Variants in VWA2 observed in about 807,000 individuals in gnomAD.
VWA2 encodes the protein von Willebrand factor A domain-containing protein 2.
A neutral mutation model predicts 70.4 loss-of-function variants in VWA2; 73 were observed. The observed-to-expected ratio is 1.04, with a 90% confidence interval of 0.86 to 1.26. The LOEUF is 1.26. Among genes scored for constraint, VWA2 ranks in the 50% most tolerant of loss-of-function variants. VWA2 has a pLI of 0.00. For missense variants in VWA2, 1,011 were observed against 998.5 expected, an observed-to-expected ratio of 1.01 and a Z score of -0.17; for synonymous variants, 407 against 423.3, an observed-to-expected ratio of 0.96 and a Z score of 0.47.
intron 1 of VWA2, among the ~76,000 whole-genome samples, chr10:114,248,368 C>G (rs2037119338): frequency 6.6e-6 from 1 of 152,188 alleles, no homozygotes; most frequent in South Asian, 2.1e-4. Context: ...CGTGGCTAGT[C>G]AGGGCCCAGG....
intron 8 of VWA2, chr10:114,281,293 T>A (rs920157483): frequency 6.6e-6 from 1 of 152,204 alleles, no homozygotes; most frequent in African/African-American, 2.4e-5. Flanking sequence ...TGCCCCCAGA[T>A]GAGGAACCGC....
intron 1 of VWA2, among the ~76,000 whole-genome samples, chr10:114,240,463 G>C (rs1277032782): frequency 6.6e-6 from 1 of 152,158 alleles, no homozygotes. Context: ...CTTAGCAATG[G>C]GGACCTCATG....
chr10:114,292,949 C>G lies in VWA2; in HGVS notation c.*1712C>G, dbSNP rs919921605. ...CTCGAACTTCTGACCTCAGGTGATC[C>G]CCCTGCCTTGGCCTCCCAAAGTTCT... is the stretch of plus-strand genomic sequence containing the variant. On this transcript the variant is annotated 3_prime_UTR_variant, in exon 14 of 14. Transcript: ENST00000392982. Among the ~76,000 whole-genome samples, 1 of 152,174 alleles carries G rather than the reference C, an allele frequency of 6.6e-6. No individual in the cohort carries two copies. The highest frequency in any genetic ancestry group is 2.4e-5 in the African/African-American group (1 of 41,448).
At chr10:114,250,138 A>G (rs906787302) in intron 2 of VWA2, among the ~76,000 whole-genome samples, 4 of 152,154 alleles carry the variant, frequency 2.6e-5, no homozygotes, top group Non-Finnish European at 5.9e-5. Context: ...GCTCTGTAGC[A>G]CTTAACACAG....
chr10:114,253,539 C>T, intron 2 of VWA2, 112 bp from the exon 3 acceptor site: 1 of 885,674 alleles, frequency 1.1e-6, no homozygotes. Flanking sequence ...ATCACTCCCC[C>T]ACATTCTAGG....
In VWA2 at chr10:114,248,738, G is replaced by A. The variant is rs9664945; in HGVS notation, c.25G>A (p.Ala9Thr). 0.23 allele frequency: 363,983 copies of A among 1,609,316 alleles called. 43,354 individuals are homozygous for A. Among genetic ancestry groups the A allele is most frequent in the African/African-American group, 0.32 (23,927 of 74,774 alleles). MPPFLLLEAVCVFLFSRVP... is the reference protein window; with the variant it reads MPPFLLLETVCVFLFSRVP... The stretch of plus-strand genomic sequence containing the variant: ...CATGCCCCCTTTCCTGTTGCTGGAA[G>A]CCGTCTGTGTTTTCCTGTTTTCCAG... Residue 9 changes from alanine (A) to threonine (T), a missense_variant, in exon 2 of 14, where the codon GCC (alanine) becomes ACC (threonine). Physicochemically the swap from Ala to Thr is moderately conservative, Grantham distance 58 (BLOSUM62 0). Coordinates refer to ENST00000392982, the MANE Select transcript of VWA2 (RefSeq NM_001272046.2).
At chr10:114,278,490 G>A (rs889256667) in intron 7 of VWA2, among the ~76,000 whole-genome samples, 1 of 152,224 alleles carries the variant, frequency 6.6e-6, no homozygotes, top group Non-Finnish European at 1.5e-5. Flanking sequence ...AAAGCTGTGT[G>A]GGGTGGGGCC....
At chr10:114,286,975 C>G (rs2038979203) in intron 11 of VWA2, among the ~76,000 whole-genome samples, 3 of 152,194 alleles carry the variant, frequency 2.0e-5, no homozygotes, top group Admixed American at 2.0e-4. Flanking sequence ...TGCACACGCG[C>G]TGGTGCAGCC....
Position 114,290,260 on chromosome 10 carries a change from C to A in VWA2, c.2143C>A (p.Leu715Ile). Residue 715 changes from leucine to isoleucine, a missense_variant, in exon 13 of 14, where the codon CTC becomes ATC. Physicochemically the swap from Leu to Ile is conservative, Grantham distance 5 (BLOSUM62 2). Transcript: ENST00000392982. ...TGTAGAAGCCAAGCAGCCAGTCAAC[C>A]TCTGCAAACCCAGCCCGTGCATGAA... ...LCGEAKQPVNLCKPSPCMNEG... is the reference protein window; with the variant it reads ...LCGEAKQPVNICKPSPCMNEG... 1 of 1,550,574 alleles carries A rather than the reference C, an allele frequency of 6.4e-7. No homozygotes were observed. Among genetic ancestry groups the A allele is most frequent in the South Asian group, 1.2e-5 (1 of 84,062 alleles).
At chr10:114,260,775 G>A (rs1479934139) in intron 4 of VWA2, among the ~76,000 whole-genome samples, 2 of 152,196 alleles carry the variant, frequency 1.3e-5, no homozygotes, top group Non-Finnish European at 2.9e-5. Context: ...CAACCATAAT[G>A]TGGGTGTTAA....
chr10:114,266,907 C>A (rs746972561), intron 5 of VWA2, among the ~76,000 whole-genome samples: 49 of 151,956 alleles, frequency 3.2e-4, no homozygotes, highest in Admixed American at 9.2e-4. Context: ...TTTTTTTCCC[C>A]CTTAATATTA....
At chr10:114,288,678 C>T (rs568328893) in intron 11 of VWA2, among the ~76,000 whole-genome samples, 2 of 152,340 alleles carry the variant, frequency 1.3e-5, no homozygotes, top group South Asian at 4.1e-4. Flanking sequence ...TTGATCACGT[C>T]CGTCAGATAG....
chr10:114,248,831 A>G lies in VWA2; in HGVS notation c.52+66A>G, dbSNP rs1350438992. 5 of 1,449,096 alleles carry G rather than the reference A, an allele frequency of 3.5e-6. No homozygotes were observed. In the Admixed American group the frequency reaches 6.7e-5, roughly 19 times the overall value. 89.8% of individuals were successfully genotyped at this position (1,449,096 alleles called of 1,614,324 possible). On this transcript the variant is annotated intron_variant, in intron 2 of 13. Transcript: ENST00000392982. ...TGAGTAGGGGGGTTGCTTGCTTCAA[A>G]TCCTGTTGATTTTCAATTCTAAAGG...
At chr10:114,269,135 G>A (rs2037647806) in intron 5 of VWA2, among the ~76,000 whole-genome samples, 1 of 152,222 alleles carries the variant, frequency 6.6e-6, no homozygotes, top group African/African-American at 2.4e-5. Context: ...GGTAGAGAGG[G>A]TGACAGCATT....
intron 7 of VWA2, 80 bp from the exon 8 acceptor site, chr10:114,278,639 A>G: frequency 6.3e-7 from 1 of 1,580,502 alleles, no homozygotes. Context: ...GAGCGGGAGC[A>G]GCTGCTGGGG....
rs535771775 is a variant in VWA2, at chr10:114,288,679, C to T, written c.1571-259C>T. On this transcript the variant is annotated intron_variant, in intron 11 of 13. Transcript: ENST00000392982. Reference sequence around the variant, plus strand: ...GCATGAGTTTGAAATTGATCACGTCCGTCAGATAGAACTTAGACACGTGGC... The same window carrying T: ...GCATGAGTTTGAAATTGATCACGTCTGTCAGATAGAACTTAGACACGTGGC... Among the ~76,000 whole-genome samples, 30 of 152,302 alleles carry T rather than the reference C, an allele frequency of 2.0e-4. No individual in the cohort carries two copies. In the East Asian group the frequency reaches 4.4e-3, roughly 23 times the overall value.
intron 10 of VWA2, 48 bp from the exon 11 acceptor site, chr10:114,285,891 T>A (rs1589812364): frequency 6.6e-7 from 1 of 1,519,784 alleles, no homozygotes; most frequent in East Asian, 2.3e-5. Context: ...ACAGCTCGCA[T>A]GCCGCATGAC....
intron 1 of VWA2, among the ~76,000 whole-genome samples, chr10:114,241,477 T>C (rs973238268): frequency 6.6e-6 from 1 of 152,206 alleles, no homozygotes; most frequent in African/African-American, 2.4e-5. Context: ...TTTCTCAGAT[T>C]GGTGTCTTTC....
In VWA2 at chr10:114,278,197, G is replaced by A. The variant is rs558223865; in HGVS notation, c.700+150G>A. The A allele has an allele frequency of 1.9e-4, 221 of 1,173,140 alleles. 2 individuals are homozygous for A. In the African/African-American group the frequency reaches 2.9e-3, roughly 15 times the overall value. The allele number at this position is 1,173,140 out of a possible 1,614,324, so 72.7% of individuals were successfully genotyped here. A position where few individuals can be genotyped will look rare whatever the true frequency, so the allele number is the denominator to read the frequency against. On this transcript the variant is annotated intron_variant, in intron 7 of 13. Coordinates refer to ENST00000392982, the MANE Select transcript of VWA2 (RefSeq NM_001272046.2). The stretch of plus-strand genomic sequence containing the variant: ...GCAGCCTCCACCCTGGATGCTCTGC[G>A]TCTCCCTGTGCCCTGCCCTGTGGGT...
Sources: allele counts gnomAD v4.1 joint callset (sites outside exome capture counted in the v4.1 genomes callset), GRCh38; gene constraint gnomAD v4.1.1; transcripts MANE v1.5; gene names NCBI Gene and HGNC (gene_info 2026-07-23, HGNC 2026-07-21).